Variants in NKAIN2 observed in about 807,000 individuals in gnomAD.
NKAIN2 encodes sodium/potassium-transporting ATPase subunit beta-1-interacting protein 2.
A neutral mutation model predicts 32.6 loss-of-function variants in NKAIN2; 14 were observed. That is an observed-to-expected ratio of 0.43 (90% confidence interval 0.28 to 0.67). The LOEUF (loss-of-function observed/expected upper bound fraction) is 0.67. Among genes scored for constraint, NKAIN2 ranks in the 30% least tolerant of loss-of-function variants. The pLI is 0.17. For missense variants in NKAIN2, 198 were observed against 258.3 expected (o/e 0.77, Z 1.60); for synonymous variants, 80 against 87.2 (o/e 0.92, Z 0.46).
At chr6:124,367,152 C>A (rs547601673) in intron 3 of NKAIN2, among the ~76,000 whole-genome samples, 47 of 152,214 alleles carry the variant, frequency 3.1e-4, no homozygotes, top group African/African-American at 1.1e-3. Context: ...CAGTTAAGAG[C>A]ATTTTAGGTG....
At chr6:124,412,082 C>G (rs568183310) in intron 3 of NKAIN2, among the ~76,000 whole-genome samples, 3 of 149,664 alleles carry the variant, frequency 2.0e-5, no homozygotes, top group African/African-American at 7.7e-5. Flanking sequence ...ATCCGTTCAT[C>G]TAATTTTTTT....
At chr6:124,727,974 A>C (rs1244046954) in intron 4 of NKAIN2, among the ~76,000 whole-genome samples, 7 of 150,634 alleles carry the variant, frequency 4.6e-5, no homozygotes, top group Non-Finnish European at 8.9e-5. Flanking sequence ...CCATTACATA[A>C]TGGTAAAGGG....
intron 1 of NKAIN2, among the ~76,000 whole-genome samples, chr6:124,239,342 A>C (rs1231727382): frequency 2.0e-5 from 3 of 152,180 alleles, no homozygotes; most frequent in Non-Finnish European, 4.4e-5. Flanking sequence ...TCAATGAGAC[A>C]GGAAATTAAC....
intron 1 of NKAIN2, among the ~76,000 whole-genome samples, chr6:123,979,037 A>G (rs924142559): frequency 1.3e-5 from 2 of 152,190 alleles, no homozygotes; most frequent in South Asian, 2.1e-4. Context: ...TAAAACAAAT[A>G]TAACTATCAT....
intron 4 of NKAIN2, among the ~76,000 whole-genome samples, chr6:124,702,843 C>G (rs533705918): frequency 4.1e-4 from 62 of 152,084 alleles, no homozygotes; most frequent in African/African-American, 1.4e-3. Flanking sequence ...GAAACTACAG[C>G]GACATTATTT....
intron 2 of NKAIN2, among the ~76,000 whole-genome samples, chr6:124,332,180 C>T (rs919946530): frequency 2.0e-5 from 3 of 151,908 alleles, no homozygotes; most frequent in Non-Finnish European, 4.4e-5. Context: ...TGAAAATCCA[C>T]TTGGCATTTT....
chr6:124,508,589 C>T (rs187692199), intron 3 of NKAIN2, among the ~76,000 whole-genome samples: 6 of 152,022 alleles, frequency 3.9e-5, no homozygotes, highest in East Asian at 3.9e-4. Flanking sequence ...GTGATCTGCC[C>T]GCCTCGGCCT....
At chr6:124,624,791 A>G (rs1783242607) in intron 3 of NKAIN2, among the ~76,000 whole-genome samples, 6 of 152,224 alleles carry the variant, frequency 3.9e-5, no homozygotes, top group Admixed American at 3.3e-4. Context: ...GAATTAGAGT[A>G]TGTACCTGTT....
chr6:124,778,547 A>G (rs544895893), intron 4 of NKAIN2, among the ~76,000 whole-genome samples: 42 of 152,130 alleles, frequency 2.8e-4, no homozygotes, highest in Non-Finnish European at 4.6e-4. Flanking sequence ...TTTAAAAGAG[A>G]AAGTAAGAAC....
chr6:124,104,246 T>C (rs1009951683), intron 1 of NKAIN2, among the ~76,000 whole-genome samples: 1 of 152,186 alleles, frequency 6.6e-6, no homozygotes, highest in Non-Finnish European at 1.5e-5. Context: ...TTGCTAAGTT[T>C]CAGATTCAGT....
At chr6:124,441,009 G>T (rs1291280974) in intron 3 of NKAIN2, among the ~76,000 whole-genome samples, 1 of 152,026 alleles carries the variant, frequency 6.6e-6, no homozygotes, top group Non-Finnish European at 1.5e-5. Context: ...CCTGTACATT[G>T]TCATCCTTTC....
intron 4 of NKAIN2, among the ~76,000 whole-genome samples, chr6:124,736,669 C>T (rs1439114301): frequency 2.0e-5 from 3 of 151,898 alleles, no homozygotes; most frequent in Non-Finnish European, 4.4e-5. Context: ...ACAACAAAGC[C>T]TGAATGATAG....
intron 1 of NKAIN2, among the ~76,000 whole-genome samples, chr6:124,100,607 T>C (rs234470): frequency 0.67 from 101,857 of 152,094 alleles, 34,246 homozygotes; most frequent in East Asian, 0.74. Flanking sequence ...GTAAGAGGTT[T>C]TCTATCATAC....
intron 3 of NKAIN2, among the ~76,000 whole-genome samples, chr6:124,389,247 C>A: frequency 6.6e-6 from 1 of 152,012 alleles, no homozygotes; most frequent in East Asian, 1.9e-4. Flanking sequence ...GTAAATAAAT[C>A]TTTCTCACCC....
intron 1 of NKAIN2, among the ~76,000 whole-genome samples, chr6:124,094,221 G>A (rs1010769462): frequency 6.6e-6 from 1 of 151,990 alleles, no homozygotes; most frequent in Non-Finnish European, 1.5e-5. Context: ...CACTCTACTG[G>A]AGAATTAGAG....
intron 1 of NKAIN2, among the ~76,000 whole-genome samples, chr6:124,031,371 A>G (rs958003838): frequency 3.3e-5 from 5 of 152,036 alleles, no homozygotes; most frequent in African/African-American, 1.2e-4. Flanking sequence ...TCCAGGATTC[A>G]TTGAGTTTTT....
intron 1 of NKAIN2, among the ~76,000 whole-genome samples, chr6:123,965,213 T>C (rs1333707510): frequency 1.3e-5 from 2 of 152,024 alleles, no homozygotes; most frequent in Non-Finnish European, 2.9e-5. Flanking sequence ...CCTAGAAGAG[T>C]CCACAGATAA....
intron 3 of NKAIN2, among the ~76,000 whole-genome samples, chr6:124,455,755 G>C (rs934906032): frequency 4.0e-5 from 6 of 151,766 alleles, no homozygotes; most frequent in African/African-American, 1.5e-4. Context: ...TTGGACATTT[G>C]CATGTGCCTA....
intron 1 of NKAIN2, among the ~76,000 whole-genome samples, chr6:123,922,526 T>C (rs1414263851): frequency 2.0e-5 from 3 of 152,220 alleles, no homozygotes; most frequent in African/African-American, 7.2e-5. Flanking sequence ...TTCAGTCTTC[T>C]TTTTGTTGCT....
Sources: allele counts gnomAD v4.1 joint callset (sites outside exome capture counted in the v4.1 genomes callset), GRCh38; gene constraint gnomAD v4.1.1; transcripts MANE v1.5; gene names NCBI Gene and HGNC (gene_info 2026-07-23, HGNC 2026-07-21).